The following ZNF536 variants were observed in gnomAD, a reference collection of about 807,000 sequenced individuals.
ZNF536 encodes the protein zinc finger protein 536.
A neutral mutation model predicts 84.5 loss-of-function variants in ZNF536; 13 were observed. The ratio of observed to expected loss-of-function variants is 0.15; its 90% CI spans 0.10 to 0.24. ZNF536 has a LOEUF of 0.24. ZNF536 is among the 10% of genes least tolerant of loss of function. The pLI, the probability that ZNF536 is intolerant of heterozygous loss-of-function variation, is 1.00. For synonymous variants in ZNF536, 811 were observed against 742.5 expected, an observed-to-expected ratio of 1.09 and a Z score of -1.50; for missense variants, 1,536 against 1,747.5, an observed-to-expected ratio of 0.88 and a Z score of 2.16.
chr19:30,710,691 C>A (rs184278588), intron 1 of ZNF536: 2 of 152,278 alleles, frequency 1.3e-5, no homozygotes, highest in African/African-American at 4.8e-5. Flanking sequence ...AATTATGATC[C>A]TTTGAGCCCT....
intron 2 of ZNF536, among the ~76,000 whole-genome samples, chr19:30,486,276 A>T (rs1392828262): frequency 6.6e-6 from 1 of 152,082 alleles, no homozygotes; most frequent in Admixed American, 6.6e-5. Flanking sequence ...GACAAGCCCC[A>T]GTGTGTGTTG....
chr19:30,459,338 C>T (rs1462406684), intron 2 of ZNF536, among the ~76,000 whole-genome samples: 2 of 128,186 alleles, frequency 1.6e-5, no homozygotes, highest in East Asian at 2.2e-4. Flanking sequence ...TTCTTTCTTT[C>T]CTTCTTTCTT....
At chr19:30,578,905 T>C (rs2046829923) in intron 1 of ZNF536, among the ~76,000 whole-genome samples, 1 of 152,192 alleles carries the variant, frequency 6.6e-6, no homozygotes, top group Admixed American at 6.5e-5. Flanking sequence ...GTACAAGCTT[T>C]GGCATCCGCT....
At chr19:30,406,707 C>T (rs997620792) in intron 1 of ZNF536, among the ~76,000 whole-genome samples, 1 of 152,100 alleles carries the variant, frequency 6.6e-6, no homozygotes, top group African/African-American at 2.4e-5. Flanking sequence ...CACAGAGTGA[C>T]CCCTGGAGAC....
chr19:30,286,485 GGAGA>G (rs564217062), intron 2 of ZNF536, among the ~76,000 whole-genome samples: 8 of 150,966 alleles, frequency 5.3e-5, no homozygotes, highest in East Asian at 3.9e-4. Flanking sequence ...GTTGAGCATA[GGAGA>G]GAGAGAGAGA....
intron 1 of ZNF536, among the ~76,000 whole-genome samples, chr19:30,246,464 A>G (rs889290956): frequency 6.6e-6 from 1 of 152,218 alleles, no homozygotes; most frequent in African/African-American, 2.4e-5. Context: ...AAATAGAAAT[A>G]TCCTTTCCCT....
chr19:30,417,061 C>T (rs376533423), intron 1 of ZNF536, among the ~76,000 whole-genome samples: 6 of 152,006 alleles, frequency 3.9e-5, no homozygotes, highest in Admixed American at 1.3e-4. Flanking sequence ...GCAGCTTCTA[C>T]CTCCTGGGTT....
chr19:30,606,028 G>A (rs1341706373), intron 1 of ZNF536, among the ~76,000 whole-genome samples: 3 of 151,812 alleles, frequency 2.0e-5, no homozygotes, highest in African/African-American at 7.3e-5. Flanking sequence ...GCCATGTCCA[G>A]GTCACCAGCA....
intron 2 of ZNF536, among the ~76,000 whole-genome samples, chr19:30,329,155 C>G (rs1478291318): frequency 6.6e-6 from 1 of 152,210 alleles, no homozygotes; most frequent in African/African-American, 2.4e-5. Context: ...TAGACAAACA[C>G]CTGTCCTAAG....
intron 1 of ZNF536, among the ~76,000 whole-genome samples, chr19:30,263,395 A>G (rs2025329639): frequency 6.6e-6 from 1 of 152,070 alleles, no homozygotes; most frequent in African/African-American, 2.4e-5. Flanking sequence ...ACCCACTGGG[A>G]CCAGATTCCC....
chr19:30,689,475 A>T (rs181998871), intron 1 of ZNF536, among the ~76,000 whole-genome samples: 156 of 152,318 alleles, frequency 1.0e-3, no homozygotes, highest in Non-Finnish European at 1.8e-3. Flanking sequence ...TCAGTTTTCT[A>T]AATCATTTTG....
intron 1 of ZNF536, among the ~76,000 whole-genome samples, chr19:30,436,795 C>T (rs1041545006): frequency 6.6e-6 from 1 of 152,160 alleles, no homozygotes; most frequent in African/African-American, 2.4e-5. Context: ...CGTGAGCCTC[C>T]AGGAATGGGG....
chr19:30,581,701 G>A (rs566385192), intron 1 of ZNF536, among the ~76,000 whole-genome samples: 1 of 151,932 alleles, frequency 6.6e-6, no homozygotes, highest in Admixed American at 6.6e-5. Flanking sequence ...ACTTTGGGAG[G>A]CCGAGGTGGG....
rs754330429 is a variant in ZNF536 at position 30,548,572 on chromosome 19, G to A, written c.2953G>A (p.Ala985Thr). The change falls in exon 4 of 5, where the codon GCC becomes ACC. Residue 985 changes from alanine (A) to threonine (T), a missense_variant. Physicochemically the swap from Ala to Thr is moderately conservative, Grantham distance 58 (BLOSUM62 0). Transcript: ENST00000355537. ...GGACTTGTCTGTGCGGCCAGATGCCGCCTCCCTCCCGGGCTCCTCGGTAAC... is the reference window on the plus strand; with the variant it reads ...GGACTTGTCTGTGCGGCCAGATGCCACCTCCCTCCCGGGCTCCTCGGTAAC... ...PLDLSVRPDA[A>T]SLPGSSVTVQ... 20 of 1,613,964 alleles carry A rather than the reference G, an allele frequency of 1.2e-5. No homozygotes were observed. Among genetic ancestry groups the A allele is most frequent in the African/African-American group, 8.0e-5 (6 of 74,936 alleles).
intron 1 of ZNF536, among the ~76,000 whole-genome samples, chr19:30,594,748 C>G (rs1055677497): frequency 6.6e-6 from 1 of 151,992 alleles, no homozygotes; most frequent in Non-Finnish European, 1.5e-5. Context: ...TCTCCTGTTT[C>G]CCCTGCGAGA....
At chr19:30,486,804 A>G (rs1196440709) in intron 2 of ZNF536, among the ~76,000 whole-genome samples, 1 of 152,100 alleles carries the variant, frequency 6.6e-6, no homozygotes, top group Non-Finnish European at 1.5e-5. Context: ...ATAATAACTC[A>G]TCTCATCTGT....
At position 30,513,569 on chromosome 19, in the gene ZNF536, C is replaced by G. The variant is rs118081220; in HGVS notation, c.2171-21278C>G. Among the ~76,000 whole-genome samples the G allele has an allele frequency of 6.5e-3, 990 of 152,256 alleles. 3 individuals are homozygous for G. Among genetic ancestry groups the G allele is most frequent in the Non-Finnish European group, 0.011 (728 of 68,022 alleles). ...AACATTTATTAAATGTCTTGTAACA[C>G]AAGAATCTGGTCTATGATGAAGAGA... On this transcript the variant is annotated intron_variant, in intron 2 of 4. Transcript: ENST00000355537.
intron 2 of ZNF536, among the ~76,000 whole-genome samples, chr19:30,315,902 C>CT (rs946842376): frequency 2.8e-4 from 42 of 152,122 alleles, no homozygotes; most frequent in African/African-American, 6.0e-4. Flanking sequence ...CTGAGACTTA[C>CT]TTTTTTTAAA....
rs57555635 is a variant in ZNF536 at position 30,488,565 on chromosome 19, TA to T, written c.2170+42845del. 2.6e-3 allele frequency among the ~76,000 whole-genome samples: 380 copies of T among 145,624 alleles called. 3 individuals carry two copies. Among genetic ancestry groups the T allele is most frequent in the Non-Finnish European group, 2.7e-3 (175 of 65,684 alleles). ...AAAATTATTTAGCTATTTTTTTAAT[TA>T]AAAAAAAAAAACAACCCTGAGAGTC... On this transcript the variant is annotated intron_variant, in intron 2 of 4. Coordinates refer to ENST00000355537, the MANE Select transcript of ZNF536 (RefSeq NM_014717.3).
Sources: gnomAD v4.1 joint callset for allele counts (sites outside exome capture counted in the v4.1 genomes callset) on GRCh38, gnomAD v4.1.1 for gene constraint, MANE v1.5 for transcripts, NCBI Gene and HGNC (gene_info 2026-07-23, HGNC 2026-07-21) for gene names.